The following GALNT14 variants were observed in gnomAD, a reference collection of about 807,000 sequenced individuals.
The protein encoded by GALNT14 is polypeptide N-acetylgalactosaminyltransferase 14.
A neutral mutation model predicts 77.5 loss-of-function variants in GALNT14; 60 were observed. That is an observed-to-expected ratio of 0.77 (90% CI 0.63 to 0.96). The LOEUF is 0.96. Among genes scored for constraint, GALNT14 ranks in the 40% least tolerant of loss-of-function variants. The pLI, the probability that GALNT14 is intolerant of heterozygous loss-of-function variation, is 0.00. For synonymous variants in GALNT14, 280 were observed against 281.7 expected (o/e 0.99, Z 0.06); for missense variants, 710 against 731.0 (o/e 0.97, Z 0.33).
chr2:30,943,600 C>A (rs1666511493), intron 8 of GALNT14, among the ~76,000 whole-genome samples: 1 of 152,208 alleles, frequency 6.6e-6, no homozygotes, highest in African/African-American at 2.4e-5. Flanking sequence ...CCCATGGGAG[C>A]TGCACAGCAT....
intron 1 of GALNT14, among the ~76,000 whole-genome samples, chr2:31,009,528 T>C (rs1670889398): frequency 6.6e-6 from 1 of 152,146 alleles, no homozygotes; most frequent in African/African-American, 2.4e-5. Flanking sequence ...CAACCTTCTA[T>C]AGATGGAGGA....
intron 2 of GALNT14, among the ~76,000 whole-genome samples, chr2:30,980,086 G>C (rs1318549424): frequency 6.6e-6 from 1 of 152,162 alleles, no homozygotes; most frequent in Non-Finnish European, 1.5e-5. Flanking sequence ...AGCCAAGGCC[G>C]AGGCCCAGAG....
chr2:30,939,206 AG>A (rs1666232757), intron 9 of GALNT14, among the ~76,000 whole-genome samples: 1 of 152,162 alleles, frequency 6.6e-6, no homozygotes, highest in Non-Finnish European at 1.5e-5. Context: ...AACACATACA[AG>A]GGCTCAGTGC....
intron 1 of GALNT14, among the ~76,000 whole-genome samples, chr2:31,130,777 TGTGTGTGCGC>T (rs1177523100): frequency 7.3e-6 from 1 of 137,106 alleles, no homozygotes; most frequent in South Asian, 2.4e-4. Flanking sequence ...TGTGTGTGTG[TGTGTGTGCGC>T]GCGCACCTGT....
intron 2 of GALNT14, among the ~76,000 whole-genome samples, chr2:30,989,560 T>TTA (rs57594110): frequency 0.21 from 18,011 of 86,916 alleles, 1,933 homozygotes; most frequent in African/African-American, 0.32. Context: ...GGTAAATACC[T>TTA]TATATATATA....
chr2:30,960,398 G>A (rs535868535), intron 3 of GALNT14, among the ~76,000 whole-genome samples: 4 of 152,108 alleles, frequency 2.6e-5, no homozygotes, highest in East Asian at 1.9e-4. Flanking sequence ...TCTCTTCTGC[G>A]AACATCAAAA....
In GALNT14 at chr2:30,937,555, G is replaced by A. The variant is rs183694106; in HGVS notation, c.931+4646C>T. 2.6e-4 allele frequency among the ~76,000 whole-genome samples: 40 copies of A among 152,222 alleles called. 1 individual carries two copies. In the Middle Eastern group the frequency reaches 0.014, roughly 52 times the overall value. ...TGGCTGTCAACTTGGGGCCTCTCTC[G>A]GCTACTTCCATGTCGCCCCCTCCAG... On this transcript the variant is annotated intron_variant, in intron 9 of 14. Coordinates refer to ENST00000349752, the MANE Select transcript of GALNT14 (RefSeq NM_024572.4).
At chr2:31,026,228 G>A (rs1295286739) in intron 1 of GALNT14, among the ~76,000 whole-genome samples, 1 of 152,196 alleles carries the variant, frequency 6.6e-6, no homozygotes, top group African/African-American at 2.4e-5. Context: ...AAAGGTCAGA[G>A]TGTCCATCTT....
At chr2:30,950,683 A>G (rs1430747117) in intron 6 of GALNT14, among the ~76,000 whole-genome samples, 1 of 152,236 alleles carries the variant, frequency 6.6e-6, no homozygotes, top group Non-Finnish European at 1.5e-5. Context: ...GAGCTGGACC[A>G]TGGCTCCTGG....
At chr2:31,064,957 T>C (rs1674842794) in intron 1 of GALNT14, among the ~76,000 whole-genome samples, 1 of 139,354 alleles carries the variant, frequency 7.2e-6, no homozygotes, top group South Asian at 2.5e-4. Context: ...AAGTGATTTG[T>C]CTCCTCCCTC....
chr2:30,983,775 TCAAACA>T (rs1483291921), intron 2 of GALNT14, among the ~76,000 whole-genome samples: 4 of 122,224 alleles, frequency 3.3e-5, no homozygotes, highest in African/African-American at 1.3e-4. Context: ...AAATCACAAG[TCAAACA>T]CACACACACA....
intron 1 of GALNT14, among the ~76,000 whole-genome samples, chr2:30,999,719 T>C (rs1199886164): frequency 6.6e-6 from 1 of 151,710 alleles, no homozygotes; most frequent in Middle Eastern, 3.2e-3. Flanking sequence ...ACTGGGCACT[T>C]ACTATGCACC....
intron 3 of GALNT14, among the ~76,000 whole-genome samples, chr2:30,959,248 C>A (rs542480538): frequency 6.6e-6 from 1 of 152,332 alleles, no homozygotes; most frequent in African/African-American, 2.4e-5. Flanking sequence ...TGTATCTGAT[C>A]CTATGACTTT....
chr2:30,897,203 G>T, the GALNT14 span, among the ~76,000 whole-genome samples: 2 of 152,088 alleles, frequency 1.3e-5, no homozygotes, highest in Non-Finnish European at 2.9e-5. Flanking sequence ...TCTTGTTTCT[G>T]TGCTTGTGCT....
At chr2:31,038,287 T>C (rs148016162) in intron 1 of GALNT14, among the ~76,000 whole-genome samples, 1,556 of 150,994 alleles carry the variant, frequency 0.01, 24 homozygotes, top group African/African-American at 0.034. Context: ...AGAGACAGGG[T>C]TTCGCAATGT....
At chr2:31,132,316 C>T (rs764164191) in intron 1 of GALNT14, among the ~76,000 whole-genome samples, 13 of 152,194 alleles carry the variant, frequency 8.5e-5, no homozygotes, top group Non-Finnish European at 1.3e-4. Flanking sequence ...TTAGAAAAAG[C>T]TTCTTGACAT....
the GALNT14 span, among the ~76,000 whole-genome samples, chr2:30,898,584 G>C: frequency 3.9e-5 from 6 of 152,210 alleles, no homozygotes; most frequent in Non-Finnish European, 8.8e-5. Flanking sequence ...TCACACAGCT[G>C]AGAACTAGAG....
At chr2:31,063,841 A>G (rs1674762700) in intron 1 of GALNT14, among the ~76,000 whole-genome samples, 1 of 152,118 alleles carries the variant, frequency 6.6e-6, no homozygotes, top group Non-Finnish European at 1.5e-5. Context: ...GAGTTCACTC[A>G]TGATTTGGCT....
chr2:31,094,082 A>G (rs569198523), intron 1 of GALNT14, among the ~76,000 whole-genome samples: 180 of 152,368 alleles, frequency 1.2e-3, no homozygotes, highest in Non-Finnish European at 2.0e-3. Flanking sequence ...CTGAAGATCC[A>G]CAAAAGAAGT....
Sources: allele counts gnomAD v4.1 joint callset (sites outside exome capture counted in the v4.1 genomes callset), GRCh38; gene constraint gnomAD v4.1.1; transcripts MANE v1.5; gene names NCBI Gene and HGNC (gene_info 2026-07-23, HGNC 2026-07-21).